CFAP299: variants seen among roughly 807,000 people sequenced by gnomAD.
CFAP299 encodes cilia- and flagella-associated protein 299.
Under a neutral mutation model 27.0 loss-of-function variants are expected in CFAP299, and 21 were observed. The observed-to-expected ratio is 0.78, with a 90% CI of 0.55 to 1.12. The LOEUF (loss-of-function observed/expected upper bound fraction) is 1.12. Ranked by LOEUF, CFAP299 falls within the 50% of genes most tolerant of loss-of-function variation. The pLI, the probability that CFAP299 is intolerant of heterozygous loss-of-function variation, is 0.00. For synonymous variants in CFAP299, 104 were observed against 98.1 expected (o/e 1.06, Z -0.36); for missense variants, 310 against 276.6 (o/e 1.12, Z -0.86).
upstream of CFAP299, among the ~76,000 whole-genome samples, chr4:80,334,127 T>A (rs1166167245): frequency 1.3e-5 from 2 of 152,190 alleles, no homozygotes; most frequent in Non-Finnish European, 2.9e-5. Flanking sequence ...GAAAATAATT[T>A]CATGATTGTT....
chr4:80,627,711 A>G (rs1325290041), intron 3 of CFAP299, among the ~76,000 whole-genome samples: 1 of 152,050 alleles, frequency 6.6e-6, no homozygotes, highest in African/African-American at 2.4e-5. Context: ...AAGCTATCTG[A>G]AAAAGAACAA....
intron 3 of CFAP299, among the ~76,000 whole-genome samples, chr4:80,678,445 A>G (rs1719614995): frequency 6.6e-6 from 1 of 152,074 alleles, no homozygotes; most frequent in Admixed American, 6.6e-5. Context: ...TGTGTCCAAA[A>G]TGATGATGTT....
At chr4:80,544,927 A>G (rs1734157392) in intron 2 of CFAP299, among the ~76,000 whole-genome samples, 1 of 152,214 alleles carries the variant, frequency 6.6e-6, no homozygotes, top group Non-Finnish European at 1.5e-5. Context: ...TTATGTGCAC[A>G]TGGCACATAC....
chr4:80,959,914 A>G (rs927663020), intron 5 of CFAP299, among the ~76,000 whole-genome samples: 4 of 152,084 alleles, frequency 2.6e-5, no homozygotes, highest in Admixed American at 2.6e-4. Flanking sequence ...TACATACTTA[A>G]AACAATAAAA....
intron 2 of CFAP299, among the ~76,000 whole-genome samples, chr4:80,365,380 G>A (rs1355057250): frequency 6.6e-6 from 1 of 152,006 alleles, no homozygotes; most frequent in Admixed American, 6.6e-5. Flanking sequence ...TTTGTTGGCC[G>A]CATGTATGTC....
chr4:80,380,422 A>ATTTTT (rs10701207), intron 2 of CFAP299, among the ~76,000 whole-genome samples: 45 of 96,104 alleles, frequency 4.7e-4, no homozygotes, highest in East Asian at 6.3e-4. Flanking sequence ...TGTGTCTCAC[A>ATTTTT]TTTTTTTTTT....
chr4:80,721,088 T>A (rs998403548), intron 3 of CFAP299, among the ~76,000 whole-genome samples: 2 of 152,124 alleles, frequency 1.3e-5, no homozygotes, highest in Admixed American at 6.5e-5. Context: ...AAAGAAAATG[T>A]ATACAGTATA....
chr4:80,957,651 A>T (rs560466525), intron 5 of CFAP299, among the ~76,000 whole-genome samples: 1 of 152,332 alleles, frequency 6.6e-6, no homozygotes, highest in Admixed American at 6.5e-5. Context: ...GCATTACTAC[A>T]GACAAGAATT....
At chr4:80,822,610 T>C (rs1729764832) in intron 3 of CFAP299, among the ~76,000 whole-genome samples, 1 of 152,198 alleles carries the variant, frequency 6.6e-6, no homozygotes, top group African/African-American at 2.4e-5. Context: ...AAGATTCAGT[T>C]CACTTATCAT....
chr4:80,793,503 T>G (rs1043481448), intron 3 of CFAP299, among the ~76,000 whole-genome samples: 8 of 151,040 alleles, frequency 5.3e-5, no homozygotes, highest in Non-Finnish European at 1.2e-4. Flanking sequence ...GTTGACAGTA[T>G]TAACCATCAC....
intron 2 of CFAP299, among the ~76,000 whole-genome samples, chr4:80,456,432 G>A (rs1288305607): frequency 2.0e-5 from 3 of 152,100 alleles, no homozygotes; most frequent in Non-Finnish European, 4.4e-5. Context: ...CAAGCAAGGG[G>A]AAGTTCTGCT....
chr4:80,906,060 C>A (rs1371897916), intron 4 of CFAP299, among the ~76,000 whole-genome samples: 2 of 152,174 alleles, frequency 1.3e-5, no homozygotes, highest in Non-Finnish European at 2.9e-5. Context: ...CACCTATGAG[C>A]TTGTAAAATC....
At chr4:80,902,586 T>TATACACGC (rs370673737) in intron 4 of CFAP299, among the ~76,000 whole-genome samples, 10 of 126,674 alleles carry the variant, frequency 7.9e-5, no homozygotes, top group African/African-American at 3.0e-4. Context: ...ATGTAATATA[T>TATACACGC]ACACACACAC....
chr4:80,397,238 AT>A (rs1352988078), intron 2 of CFAP299, among the ~76,000 whole-genome samples: 1 of 151,948 alleles, frequency 6.6e-6, no homozygotes, highest in African/African-American at 2.4e-5. Flanking sequence ...CCCCTTTATC[AT>A]TTTTTATTGC....
chr4:80,323,366 A>G, the CFAP299 span, among the ~76,000 whole-genome samples: 13 of 152,362 alleles, frequency 8.5e-5, no homozygotes, highest in South Asian at 1.9e-3. Flanking sequence ...AGAAAGCTGT[A>G]ATGTATTATC....
chr4:80,783,144 G>C (rs1049330304), intron 3 of CFAP299, among the ~76,000 whole-genome samples: 1 of 152,038 alleles, frequency 6.6e-6, no homozygotes, highest in South Asian at 2.1e-4. Context: ...TGTTATTTAA[G>C]GCAGCAAATC....
At chr4:80,601,748 C>T (rs1737363149) in intron 3 of CFAP299, among the ~76,000 whole-genome samples, 1 of 152,126 alleles carries the variant, frequency 6.6e-6, no homozygotes, top group African/African-American at 2.4e-5. Flanking sequence ...TCATTCATTT[C>T]CTCAGGGAAG....
intron 2 of CFAP299, among the ~76,000 whole-genome samples, chr4:80,527,295 T>G (rs1437771021): frequency 6.7e-6 from 1 of 149,878 alleles, no homozygotes; most frequent in Non-Finnish European, 1.5e-5. Flanking sequence ...ATATTGGAGG[T>G]TTTTTTTTAA....
chr4:80,913,769 G>C (rs1176970615), intron 4 of CFAP299, among the ~76,000 whole-genome samples: 1 of 152,076 alleles, frequency 6.6e-6, no homozygotes, highest in East Asian at 1.9e-4. Flanking sequence ...TGGCTAATGT[G>C]TACAGTAATC....
Sources: allele counts gnomAD v4.1 joint callset (sites outside exome capture counted in the v4.1 genomes callset), GRCh38; gene constraint gnomAD v4.1.1; transcripts MANE v1.5; gene names NCBI Gene and HGNC (gene_info 2026-07-23, HGNC 2026-07-21).